The following CCDC13 variants were observed in gnomAD, a reference collection of about 807,000 sequenced individuals.
CCDC13 encodes the protein coiled-coil domain containing 13.
CCDC13 carries 70 observed loss-of-function variants against 87.3 expected under a neutral mutation model. That is an observed-to-expected ratio of 0.80 (90% CI 0.66 to 0.98). The LOEUF (loss-of-function observed/expected upper bound fraction) is 0.98, where lower values mean the gene tolerates loss of function less well. Among genes scored for constraint, CCDC13 ranks in the 50% least tolerant of loss-of-function variants. The pLI is 0.00. For missense variants in CCDC13, 842 were observed against 892.0 expected, an observed-to-expected ratio of 0.94 and a Z score of 0.71; for synonymous variants, 317 against 360.3, an observed-to-expected ratio of 0.88 and a Z score of 1.36.
At chr3:42,770,316 T>C (rs1200572964) in intron 1 of CCDC13, among the ~76,000 whole-genome samples, 5 of 152,196 alleles carry the variant, frequency 3.3e-5, no homozygotes, top group Non-Finnish European at 5.9e-5. Context: ...TGAGAATCTT[T>C]ATGTCTAGCT....
rs185657670 is a variant in CCDC13, at chr3:42,763,084, G to T, written c.-6-4733C>A. Among the ~76,000 whole-genome samples the T allele has an allele frequency of 3.2e-4, 49 of 152,324 alleles. 1 individual carries two copies. In the East Asian group the frequency reaches 7.1e-3, roughly 22 times the overall value. On this transcript the variant is annotated intron_variant, in intron 1 of 15. Transcript: ENST00000310232. ...CCAGGGCTGCCACCTAGTCGAAAAA[G>T]ATTTATGAACAGAAAAAGGAAAGTG...
intron 3 of CCDC13, among the ~76,000 whole-genome samples, chr3:42,756,225 T>G (rs1376360140): frequency 1.3e-5 from 2 of 152,232 alleles, no homozygotes; most frequent in African/African-American, 2.4e-5. Flanking sequence ...ACTTTCTTAT[T>G]TATTAGCCAT....
intron 2 of CCDC13, 43 bp from the exon 3 acceptor site, chr3:42,757,257 C>A (rs749465085): frequency 6.3e-7 from 1 of 1,592,972 alleles, no homozygotes. Flanking sequence ...AAGGCAAAGG[C>A]CCTGGTGGGC....
intron 5 of CCDC13, among the ~76,000 whole-genome samples, chr3:42,749,365 C>A (rs1338648951): frequency 6.6e-6 from 1 of 152,252 alleles, no homozygotes; most frequent in Non-Finnish European, 1.5e-5. Flanking sequence ...ATGGAAAAAG[C>A]ATACAGATTG....
chr3:42,723,853 T>C (rs993429687), intron 13 of CCDC13, among the ~76,000 whole-genome samples: 1 of 152,132 alleles, frequency 6.6e-6, no homozygotes. Context: ...AATAAAATAT[T>C]CTGTAACCAT....
rs889192399 is a variant in CCDC13 at position 42,708,714 on chromosome 3, C to T, written c.*266G>A. 2.6e-6 allele frequency: 1 copy of T among 380,268 alleles called. No individual in the cohort carries two copies. Among genetic ancestry groups the T allele is most frequent in the Non-Finnish European group, 4.7e-6 (1 of 213,930 alleles). The allele number at this position is 380,268 out of a possible 1,614,324, so 23.6% of individuals were successfully genotyped here. ...AGCCGCCTTGCCATCCCAGAGCTCT[C>T]GCCTCTGCCAGTGGGCTGCTGGGCC... On this transcript the variant is annotated 3_prime_UTR_variant, in exon 16 of 16. Coordinates refer to ENST00000310232, the MANE Select transcript of CCDC13 (RefSeq NM_144719.4).
chr3:42,739,581 T>C (rs1339353030), intron 9 of CCDC13, 53 bp downstream of exon 9: 17 of 1,569,278 alleles, frequency 1.1e-5, no homozygotes, highest in Non-Finnish European at 1.5e-5. Context: ...CTGGGGCCCA[T>C]CCTTTGAGGA....
At chr3:42,705,170 G>A (rs1698147869), downstream of CCDC13, among the ~76,000 whole-genome samples, 1 of 152,206 alleles carries the variant, frequency 6.6e-6, no homozygotes, top group Non-Finnish European at 1.5e-5. Flanking sequence ...TGTACGTAAA[G>A]GCACACCTGT....
chr3:42,720,678 T>C (rs1053765604), intron 13 of CCDC13, among the ~76,000 whole-genome samples: 1 of 152,182 alleles, frequency 6.6e-6, no homozygotes, highest in Non-Finnish European at 1.5e-5. Flanking sequence ...TTGTTTTAAG[T>C]TAGAATAAAA....
At chr3:42,725,537 A>AAAAAAAAAAG in intron 13 of CCDC13, among the ~76,000 whole-genome samples, 1 of 150,972 alleles carries the variant, frequency 6.6e-6, no homozygotes, top group African/African-American at 2.4e-5. Context: ...CTGTCTCAAA[A>AAAAAAAAAAG]AAAAAAAAAA....
chr3:42,752,448 G>T, intron 4 of CCDC13, 127 bp downstream of exon 4: 2 of 1,191,348 alleles, frequency 1.7e-6, no homozygotes, highest in Non-Finnish European at 2.4e-6. Flanking sequence ...CATATACTGC[G>T]TGACTTGAGA....
chr3:42,763,806 T>A (rs1699881470), intron 1 of CCDC13, among the ~76,000 whole-genome samples: 1 of 152,156 alleles, frequency 6.6e-6, no homozygotes, highest in Non-Finnish European at 1.5e-5. Context: ...GCACCCAGTC[T>A]GAAGAGATTT....
rs36014297 is a variant in CCDC13 at position 42,759,307 on chromosome 3, CAA to C, written c.-6-958_-6-957del. Among the ~76,000 whole-genome samples, 533 of 126,918 alleles carry C rather than the reference CAA, an allele frequency of 4.2e-3. 6 individuals are homozygous for C. Among genetic ancestry groups the C allele is most frequent in the African/African-American group, 0.014 (470 of 34,564 alleles). 83.3% of individuals were successfully genotyped at this position (126,918 alleles called of 152,430 possible). A position where few individuals can be genotyped will look rare whatever the true frequency, so the allele number is the denominator to read the frequency against. ...GTGAGTAACAGTGAGACCCTGTCTC[CAA>C]AAAAAAAAAAAACACAAATTTTATG... On this transcript the variant is annotated intron_variant, in intron 1 of 15. Coordinates refer to ENST00000310232, the MANE Select transcript of CCDC13 (RefSeq NM_144719.4).
chr3:42,756,263 T>C (rs1294051296), intron 3 of CCDC13, among the ~76,000 whole-genome samples: 1 of 152,214 alleles, frequency 6.6e-6, no homozygotes, highest in Non-Finnish European at 1.5e-5. Context: ...GGTATATACA[T>C]AACACAGGAC....
chr3:42,752,739 G>A (rs1335517154), intron 3 of CCDC13, 22 bp from the exon 4 acceptor site: 4 of 1,612,832 alleles, frequency 2.5e-6, no homozygotes, highest in Non-Finnish European at 3.4e-6. Flanking sequence ...GGAATGGTGA[G>A]GTCAATTAAA....
At chr3:42,755,528 A>G (rs1306941375) in intron 3 of CCDC13, among the ~76,000 whole-genome samples, 2 of 152,226 alleles carry the variant, frequency 1.3e-5, no homozygotes, top group African/African-American at 4.8e-5. Context: ...AATCACTTGA[A>G]CCCAGGAAGT....
intron 12 of CCDC13, among the ~76,000 whole-genome samples, chr3:42,731,931 G>C (rs12633707): frequency 0.5 from 76,064 of 152,052 alleles, 19,328 homozygotes; most frequent in African/African-American, 0.6. Flanking sequence ...CCAAGGCACA[G>C]AGCAGCTCCT....
Position 42,735,757 on chromosome 3 carries a change from C to G in CCDC13, c.1321G>C (p.Glu441Gln). The change falls in exon 10 of 16, where the codon GAG (glutamate) becomes CAG (glutamine). Residue 441 changes from glutamate (E) to glutamine (Q), a missense_variant. Physicochemically the swap from Glu to Gln is conservative, Grantham distance 29. Transcript: ENST00000310232. ...ATCTCCAGCTGTCGCACTTTGGCCT[C>G]CCGCTCAGCTACCATGGCCTGCAGC... ...AQLQAMVAER[E>Q]AKVRQLEMEI... is the part of the protein sequence containing the mutation. 6.2e-7 allele frequency: 1 copy of G among 1,614,250 alleles called. No homozygotes were observed. Among genetic ancestry groups the G allele is most frequent in the Non-Finnish European group, 8.5e-7 (1 of 1,180,048 alleles).
At position 42,709,784 on chromosome 3, in the gene CCDC13, T is replaced by C. The variant is rs746848614; in HGVS notation, c.1888A>G (p.Asn630Asp). The C allele has an allele frequency of 1.2e-6, 2 of 1,614,118 alleles. No individual in the cohort carries two copies. The highest frequency in any genetic ancestry group is 1.7e-6 in the Non-Finnish European group (2 of 1,179,974). ...PRTKTGLPTS[N>D]NRHNPTGSEK... ...CTCCCGGTTGGGTTGTGCCTGTTGT[T>C]AGAGGTGGGCAGACCTGTGGGGCAG... Residue 630 changes from asparagine (N) to aspartate (D), a missense_variant, in exon 15 of 16, where the codon AAC becomes GAC. Coordinates refer to ENST00000310232, the MANE Select transcript of CCDC13 (RefSeq NM_144719.4).
Sources: gnomAD v4.1 joint callset for allele counts (sites outside exome capture counted in the v4.1 genomes callset) on GRCh38, gnomAD v4.1.1 for gene constraint, MANE v1.5 for transcripts, NCBI Gene and HGNC (gene_info 2026-07-23, HGNC 2026-07-21) for gene names.